The following PTPRG variants were observed in gnomAD, a reference collection of about 807,000 sequenced individuals.
The protein encoded by PTPRG is protein tyrosine phosphatase receptor type G.
In PTPRG, 102 loss-of-function variants were observed where a neutral mutation model predicts 165.3. The observed-to-expected ratio is 0.62, with a 90% confidence interval of 0.53 to 0.73. The LOEUF is 0.73. PTPRG is among the 30% of genes least tolerant of loss of function. PTPRG has a pLI of 0.00. For missense variants in PTPRG, 1,866 were observed against 1,861.4 expected (o/e 1.00, Z -0.05); for synonymous variants, 675 against 669.5 (o/e 1.01, Z -0.13).
intron 2 of PTPRG, among the ~76,000 whole-genome samples, chr3:61,772,924 C>T (rs926421315): frequency 1.1e-4 from 17 of 152,120 alleles, no homozygotes; most frequent in East Asian, 3.9e-4. Context: ...TCTACCACAA[C>T]GAATGGGAGA....
chr3:62,064,729 T>G (rs1165948001), intron 4 of PTPRG, among the ~76,000 whole-genome samples: 1 of 132,790 alleles, frequency 7.5e-6, no homozygotes, highest in Non-Finnish European at 1.6e-5. Context: ...GGATTTTTTT[T>G]TTTTTTTTTT....
intron 1 of PTPRG, chr3:61,742,890 G>A (rs3817452): frequency 0.76 from 1,143,746 of 1,502,606 alleles, 436,805 homozygotes; most frequent in Middle Eastern, 0.8. Flanking sequence ...CCTCGTCACA[G>A]TGCTGCTGGT....
intron 2 of PTPRG, among the ~76,000 whole-genome samples, chr3:61,790,240 C>T (rs551968768): frequency 2.0e-5 from 3 of 152,224 alleles, no homozygotes; most frequent in South Asian, 4.1e-4. Context: ...AATCTTTGTC[C>T]CCTAATGTTG....
chr3:62,161,685 C>A (rs1026566958), intron 7 of PTPRG, among the ~76,000 whole-genome samples: 5 of 152,154 alleles, frequency 3.3e-5, no homozygotes, highest in African/African-American at 1.2e-4. Flanking sequence ...TCTATAATCA[C>A]CTTCATGCAA....
chr3:61,771,507 T>TAG, intron 2 of PTPRG: 1 of 152,218 alleles, frequency 6.6e-6, no homozygotes, highest in African/African-American at 2.4e-5. Flanking sequence ...TTCAGTCACT[T>TAG]AAGATCATCA....
chr3:61,944,343 T>C (rs1010506541), intron 2 of PTPRG, among the ~76,000 whole-genome samples: 3 of 152,220 alleles, frequency 2.0e-5, no homozygotes, highest in Non-Finnish European at 4.4e-5. Flanking sequence ...TTACAACTGA[T>C]GCCCTCCTGT....
In PTPRG at chr3:62,293,460, T is replaced by A; in HGVS notation, c.*153T>A. 2 of 628,786 alleles carry A rather than the reference T, an allele frequency of 3.2e-6. No individual in the cohort carries two copies. Among genetic ancestry groups the A allele is most frequent in the Non-Finnish European group, 5.1e-6 (2 of 393,954 alleles). 39.0% of individuals were successfully genotyped at this position (628,786 alleles called of 1,614,324 possible). A position where few individuals can be genotyped will look rare whatever the true frequency, so the allele number is the denominator to read the frequency against. ...ATTTATTTTTTGCCATTTTATGTCT[T>A]AATGGTATCCTACTGAGCATTTGCA... On this transcript the variant is annotated 3_prime_UTR_variant, in exon 30 of 30. Transcript: ENST00000474889.
chr3:62,021,336 A>G (rs2041684879), intron 4 of PTPRG, among the ~76,000 whole-genome samples: 1 of 152,246 alleles, frequency 6.6e-6, no homozygotes, highest in African/African-American at 2.4e-5. Flanking sequence ...AATAGGAGCC[A>G]GGTGTATATG....
intron 6 of PTPRG, among the ~76,000 whole-genome samples, chr3:62,142,184 G>C (rs1703957175): frequency 6.6e-6 from 1 of 151,646 alleles, no homozygotes; most frequent in Admixed American, 6.6e-5. Flanking sequence ...GTCTTAGCAA[G>C]CTTCTGAAGA....
chr3:61,780,529 A>G (rs2034516374), intron 2 of PTPRG, among the ~76,000 whole-genome samples: 1 of 152,212 alleles, frequency 6.6e-6, no homozygotes, highest in South Asian at 2.1e-4. Context: ...ATTTTAATTT[A>G]AAAGGTCAGT....
intron 29 of PTPRG, 68 bp from the exon 30 acceptor site, chr3:62,293,093 G>C: frequency 7.7e-7 from 1 of 1,306,102 alleles, no homozygotes. Context: ...ATTTTAATTG[G>C]TATTTCCACC....
At chr3:61,832,024 C>A (rs1354653638) in intron 2 of PTPRG, among the ~76,000 whole-genome samples, 1 of 152,084 alleles carries the variant, frequency 6.6e-6, no homozygotes, top group Non-Finnish European at 1.5e-5. Context: ...TTCATTTATA[C>A]ATGGATTTAT....
chr3:61,958,928 C>T (rs999547168), intron 2 of PTPRG, among the ~76,000 whole-genome samples: 2 of 152,180 alleles, frequency 1.3e-5, no homozygotes, highest in Non-Finnish European at 2.9e-5. Context: ...ACACTCAAGG[C>T]TGGGCAGTAC....
At chr3:61,766,619 T>A (rs1002452883) in intron 2 of PTPRG, among the ~76,000 whole-genome samples, 2 of 144,018 alleles carry the variant, frequency 1.4e-5, no homozygotes, top group African/African-American at 2.7e-5. Flanking sequence ...TAAAAAAAAT[T>A]TTTTTTTTTT....
At chr3:61,720,135 T>G (rs2031987049) in intron 1 of PTPRG, among the ~76,000 whole-genome samples, 2 of 152,008 alleles carry the variant, frequency 1.3e-5, no homozygotes, top group African/African-American at 2.4e-5. Context: ...TTTTTTTTTT[T>G]GAGACACATT....
At chr3:61,878,439 T>C (rs1385241343) in intron 2 of PTPRG, among the ~76,000 whole-genome samples, 1 of 152,164 alleles carries the variant, frequency 6.6e-6, no homozygotes, top group African/African-American at 2.4e-5. Flanking sequence ...TTGTTTTTAG[T>C]TTGCATTTCT....
intron 1 of PTPRG, among the ~76,000 whole-genome samples, chr3:61,674,485 T>TCA (rs1457750477): frequency 2.9e-4 from 8 of 27,336 alleles, no homozygotes; most frequent in Admixed American, 6.9e-4. Context: ...AGACTCCATC[T>TCA]CAAAAAAAAA....
At chr3:61,924,799 C>T (rs1445364938) in intron 2 of PTPRG, among the ~76,000 whole-genome samples, 1 of 152,194 alleles carries the variant, frequency 6.6e-6, no homozygotes, top group Non-Finnish European at 1.5e-5. Context: ...AGTAAAAAAG[C>T]AACTGTTGTG....
chr3:61,629,202 T>C (rs1490601901), intron 1 of PTPRG, among the ~76,000 whole-genome samples: 1 of 152,178 alleles, frequency 6.6e-6, no homozygotes, highest in African/African-American at 2.4e-5. Flanking sequence ...TCATCCAGGC[T>C]GGAGTGCAAT....
Sources: gnomAD v4.1 joint callset for allele counts (sites outside exome capture counted in the v4.1 genomes callset) on GRCh38, gnomAD v4.1.1 for gene constraint, MANE v1.5 for transcripts, NCBI Gene and HGNC (gene_info 2026-07-23, HGNC 2026-07-21) for gene names.